The following CCDC144A variants were observed in gnomAD, a reference collection of about 807,000 sequenced individuals.
CCDC144A encodes coiled-coil domain containing 144A, also known as coiled-coil domain-containing protein 144A.
In CCDC144A, 41 loss-of-function variants were observed where a neutral mutation model predicts 143.8. The ratio of observed to expected loss-of-function variants is 0.29; its 90% CI spans 0.22 to 0.37. The LOEUF (loss-of-function observed/expected upper bound fraction) is 0.37. CCDC144A is among the 10% of genes least tolerant of loss of function. The pLI, the probability that CCDC144A is intolerant of heterozygous loss-of-function variation, is 1.00. For synonymous variants in CCDC144A, 242 were observed against 517.9 expected, an observed-to-expected ratio of 0.47 and a Z score of 7.23; for missense variants, 637 against 1,488.8, an observed-to-expected ratio of 0.43 and a Z score of 9.41.
the CCDC144A span, among the ~76,000 whole-genome samples, chr17:16,673,670 GC>G: frequency 6.6e-6 from 1 of 152,128 alleles, no homozygotes; most frequent in African/African-American, 2.4e-5. Flanking sequence ...ACAGGCGTGA[GC>G]CACCACGCCC....
the CCDC144A span, among the ~76,000 whole-genome samples, chr17:16,683,117 A>G: frequency 1.3e-5 from 2 of 151,026 alleles, no homozygotes; most frequent in African/African-American, 4.9e-5. Context: ...GTGTAGTTAG[A>G]CAGGAGGAAT....
At chr17:16,683,621 A>C in the CCDC144A span, 1 of 1,611,162 alleles carries the variant, frequency 6.2e-7, no homozygotes. Flanking sequence ...AGTTTGCCAC[A>C]GAGGATGAGG....
chr17:16,683,808 T>C, the CCDC144A span: 2 of 1,445,350 alleles, frequency 1.4e-6, no homozygotes, highest in East Asian at 2.3e-5. Flanking sequence ...AAGCCGAGCG[T>C]GAAGCCGAGC....
intron 12 of CCDC144A, among the ~76,000 whole-genome samples, chr17:16,751,212 G>T (rs1332902245): frequency 2.0e-5 from 3 of 151,642 alleles, no homozygotes; most frequent in African/African-American, 7.3e-5. Context: ...TTGTTTTTAT[G>T]TTCTTTTTTT....
At chr17:16,729,403 T>C (rs1408964732) in intron 9 of CCDC144A, among the ~76,000 whole-genome samples, 6 of 152,264 alleles carry the variant, frequency 3.9e-5, no homozygotes, top group African/African-American at 1.4e-4. Context: ...GAAAAATGTC[T>C]GTTCATGTCA....
rs370800974 is a variant in CCDC144A at position 16,764,080 on chromosome 17, G to A, written c.4003G>A (p.Val1335Ile). 76 of 1,613,674 alleles carry A rather than the reference G, an allele frequency of 4.7e-5. 1 individual carries two copies. The East Asian group carries it at 6.2e-4, about 13-fold the overall frequency. The change falls in exon 15 of 17, where the codon GTT becomes ATT. Residue 1335 changes from valine (V) to isoleucine (I), a missense_variant. Physicochemically the swap from Val to Ile is conservative, Grantham distance 29 (BLOSUM62 3). Transcript: ENST00000399273. ...AAGGCCAGTCCTAGAGTCACCTTGCGTTGGAAATCTTAATGATAGTGAAGG... is the reference window on the plus strand; with the variant it reads ...AAGGCCAGTCCTAGAGTCACCTTGCATTGGAAATCTTAATGATAGTGAAGG... ...ATRPVLESPC[V>I]GNLNDSEGLN...
the CCDC144A span, among the ~76,000 whole-genome samples, chr17:16,667,469 GTGAGGGGC>G: frequency 6.6e-6 from 1 of 151,604 alleles, no homozygotes; most frequent in Non-Finnish European, 1.5e-5. Context: ...GCTGACGCGG[GTGAGGGGC>G]TGAGGGGCTG....
chr17:16,691,606 C>CA (rs201650488), intron 1 of CCDC144A, among the ~76,000 whole-genome samples: 10,989 of 148,266 alleles, frequency 0.074, 491 homozygotes, highest in East Asian at 0.17. Context: ...CTAAAAAATA[C>CA]AAAAAAAAAA....
chr17:16,742,428 T>C (rs1914298190), intron 12 of CCDC144A, among the ~76,000 whole-genome samples: 1 of 152,206 alleles, frequency 6.6e-6, no homozygotes, highest in Non-Finnish European at 1.5e-5. Flanking sequence ...TGTGGACATA[T>C]ACCACATTTT....
At chr17:16,711,504 AT>A (rs1047667884) in intron 5 of CCDC144A, among the ~76,000 whole-genome samples, 174 bp from the exon 6 acceptor site, 1 of 152,136 alleles carries the variant, frequency 6.6e-6, no homozygotes, top group African/African-American at 2.4e-5. Context: ...AATAATTATA[AT>A]TATATGATGA....
At chr17:16,729,963 CATATATATAT>C (rs59756018) in intron 9 of CCDC144A, among the ~76,000 whole-genome samples, 16 of 94,096 alleles carry the variant, frequency 1.7e-4, no homozygotes, top group African/African-American at 3.4e-4. Context: ...TAGGTAGTTT[CATATATATAT>C]ATATATATAT....
intron 2 of CCDC144A, among the ~76,000 whole-genome samples, chr17:16,703,554 C>CA (rs1375199045): frequency 1.3e-5 from 2 of 152,176 alleles, no homozygotes; most frequent in African/African-American, 2.4e-5. Flanking sequence ...CCTGTAATGC[C>CA]AGCACTTTGG....
chr17:16,730,498 G>C (rs994034420), intron 9 of CCDC144A, among the ~76,000 whole-genome samples: 4 of 131,460 alleles, frequency 3.0e-5, no homozygotes, highest in Non-Finnish European at 4.7e-5. Flanking sequence ...GTGAATTTTA[G>C]GGGTACGTCC....
intron 11 of CCDC144A, among the ~76,000 whole-genome samples, chr17:16,733,786 T>A (rs1270947302): frequency 6.6e-6 from 1 of 152,068 alleles, no homozygotes; most frequent in African/African-American, 2.4e-5. Flanking sequence ...AACTTGCATA[T>A]TTTTTGACCT....
chr17:16,776,195 T>C lies in CCDC144A; in HGVS notation c.*2562T>C, dbSNP rs1915996692. On this transcript the variant is annotated 3_prime_UTR_variant, in exon 17 of 17. Coordinates refer to ENST00000399273, the MANE Select transcript of CCDC144A (RefSeq NM_001382000.1). The stretch of plus-strand genomic sequence containing the variant: ...TTGTCTTGGCTATTTGGGCTCTTTT[T>C]TGGTTCCATATGAATTTTAAAATAG... The C allele has an allele frequency of 6.6e-6, 1 of 152,306 alleles. No homozygotes were observed. The highest frequency in any genetic ancestry group is 2.4e-5 in the African/African-American group (1 of 41,472). The allele number at this position is 152,306 out of a possible 1,614,324, so 9.4% of individuals were successfully genotyped here.
chr17:16,680,769 C>A, the CCDC144A span, among the ~76,000 whole-genome samples: 6 of 151,952 alleles, frequency 3.9e-5, no homozygotes, highest in Admixed American at 3.9e-4. Flanking sequence ...GAACAAACAA[C>A]AGAACCAAAA....
At chr17:16,757,433 G>A (rs1332662035) in intron 12 of CCDC144A, among the ~76,000 whole-genome samples, 1 of 152,242 alleles carries the variant, frequency 6.6e-6, no homozygotes, top group Non-Finnish European at 1.5e-5. Flanking sequence ...AGGTGCCGGT[G>A]GGGCAGTAGG....
intron 12 of CCDC144A, among the ~76,000 whole-genome samples, chr17:16,740,183 C>A (rs2143271161): frequency 6.6e-6 from 1 of 152,148 alleles, no homozygotes; most frequent in East Asian, 1.9e-4. Flanking sequence ...GTCATCTTTC[C>A]TCATTGGAAA....
chr17:16,722,001 A>T (rs1597557300), intron 8 of CCDC144A, among the ~76,000 whole-genome samples: 2 of 152,262 alleles, frequency 1.3e-5, no homozygotes, highest in South Asian at 4.1e-4. Flanking sequence ...GAAAGGAGAC[A>T]TTCCTGTATT....
Sources: gnomAD v4.1 joint callset for allele counts (sites outside exome capture counted in the v4.1 genomes callset) on GRCh38, gnomAD v4.1.1 for gene constraint, MANE v1.5 for transcripts, NCBI Gene and HGNC (gene_info 2026-07-23, HGNC 2026-07-21) for gene names.